The following PPP1R12C variants were observed in gnomAD, a reference collection of about 807,000 sequenced individuals.
PPP1R12C encodes the protein protein phosphatase 1 regulatory subunit 12C.
Under a neutral mutation model 95.6 loss-of-function variants are expected in PPP1R12C, and 48 were observed. The ratio of observed to expected loss-of-function variants is 0.50; its 90% CI spans 0.40 to 0.64. The LOEUF (loss-of-function observed/expected upper bound fraction) is 0.64, where lower values mean the gene tolerates loss of function less well. Among genes scored for constraint, PPP1R12C ranks in the 30% least tolerant of loss-of-function variants. PPP1R12C has a pLI of 0.00. For synonymous variants in PPP1R12C, 480 were observed against 460.8 expected, an observed-to-expected ratio of 1.04 and a Z score of -0.53; for missense variants, 1,057 against 1,083.3, an observed-to-expected ratio of 0.98 and a Z score of 0.34.
intron 3 of PPP1R12C, among the ~76,000 whole-genome samples, chr19:55,108,635 G>C (rs1282416619): frequency 2.0e-5 from 3 of 152,272 alleles, no homozygotes; most frequent in African/African-American, 7.2e-5. Context: ...TTCTGTGACT[G>C]GCTTATTTTC....
chr19:55,092,537 C>G lies in PPP1R12C; in HGVS notation c.1960G>C (p.Glu654Gln). ...TGCCTGCGGGCCGAGGGGCCGCCCT[C>G]CAGGGTGCTGGGGCAGGGGAGGAGC... is the stretch of plus-strand genomic sequence containing the variant. ...ADRSQESSTL[E>Q]GGPSARRQRW... The change falls in exon 18 of 22, where the codon GAG becomes CAG. Residue 654 changes from glutamate (E) to glutamine (Q), a missense_variant. This residue lies in a region of PPP1R12C where 347 missense variants were observed against 307.9 expected (regional missense o/e 1.13). Transcript: ENST00000263433. 6.2e-7 allele frequency: 1 copy of G among 1,603,004 alleles called. No homozygotes were observed. The highest frequency in any genetic ancestry group is 8.5e-7 in the Non-Finnish European group (1 of 1,175,400).
intron 21 of PPP1R12C, 33 bp downstream of exon 21, chr19:55,091,617 C>CCGGCCCCG: frequency 6.3e-7 from 1 of 1,577,626 alleles, no homozygotes; most frequent in Non-Finnish European, 8.7e-7. Flanking sequence ...CACCCACCCT[C>CCGGCCCCG]GGCCCTCTGC....
intron 3 of PPP1R12C, chr19:55,111,858 A>C (rs1274685231): frequency 2.0e-5 from 3 of 152,190 alleles, no homozygotes; most frequent in African/African-American, 7.2e-5. Flanking sequence ...TGGAGTCACC[A>C]GTCACAGGCA....
At chr19:55,105,223 T>C (rs2085025170) in intron 3 of PPP1R12C, among the ~76,000 whole-genome samples, 1 of 152,134 alleles carries the variant, frequency 6.6e-6, no homozygotes, top group African/African-American at 2.4e-5. Flanking sequence ...CCTGGCTGTG[T>C]CATTTCTTTA....
intron 6 of PPP1R12C, 117 bp from the exon 7 acceptor site, chr19:55,096,452 G>A (rs528396596): frequency 8.9e-5 from 110 of 1,240,314 alleles, no homozygotes; most frequent in Non-Finnish European, 1.2e-4. Flanking sequence ...GGGCTCGTGG[G>A]CTTACTGGTT....
At chr19:55,103,303 G>A in intron 4 of PPP1R12C, 106 bp downstream of exon 4, 2 of 1,145,154 alleles carry the variant, frequency 1.7e-6, no homozygotes, top group Non-Finnish European at 2.3e-6. Flanking sequence ...GCTGTATTTA[G>A]AGGGAAATAC....
chr19:55,105,274 G>C (rs2085025779), intron 3 of PPP1R12C, among the ~76,000 whole-genome samples: 1 of 152,156 alleles, frequency 6.6e-6, no homozygotes, highest in South Asian at 2.1e-4. Flanking sequence ...AGCCGAATGG[G>C]TCTCAATTCA....
At chr19:55,111,879 G>C in intron 3 of PPP1R12C, 1 of 152,218 alleles carries the variant, frequency 6.6e-6, no homozygotes, top group East Asian at 1.9e-4. Context: ...GAGCTGGGAG[G>C]CAAGCCCAGG....
Position 55,093,215 on chromosome 19 carries a change from G to C in PPP1R12C, c.1702C>G (p.Leu568Val), listed in dbSNP as rs771795975. 18 of 1,613,404 alleles carry C rather than the reference G, an allele frequency of 1.1e-5. No individual in the cohort carries two copies. The South Asian group carries it at 2.0e-4, about 18-fold the overall frequency. The change falls in exon 14 of 22, where the codon CTG (leucine) becomes GTG (valine). Residue 568 changes from leucine (L) to valine (V), a missense_variant. Leu to Val is a conservative substitution (Grantham distance 32, BLOSUM62 1). This residue lies in a region of PPP1R12C where 347 missense variants were observed against 307.9 expected (regional missense o/e 1.13). Transcript: ENST00000263433. Reference protein sequence around the residue: ...RSTQGVTLTDLKEAEKAAGKA... With the variant: ...RSTQGVTLTDVKEAEKAAGKA... ...CCTGCAGCCTTCTCTGCCTCCTTCA[G>C]GTCTGTAAGAGTCACACCCTGGCAG...
chr19:55,103,517 T>C lies in PPP1R12C; in HGVS notation c.623A>G (p.Asp208Gly). 2 of 1,602,610 alleles carry C rather than the reference T, an allele frequency of 1.2e-6. No individual in the cohort carries two copies. The highest frequency in any genetic ancestry group is 1.7e-6 in the Non-Finnish European group (2 of 1,172,022). ...KRAEEELLLH[D>G]TRCWLNGGAM... is the part of the protein sequence containing the mutation. Reference sequence around the variant, plus strand: ...GCCCCCATTCAGCCAGCACCTCGTGTCATGAAGGAGCAATTCCTCTTCTGC... The same window carrying C: ...GCCCCCATTCAGCCAGCACCTCGTGCCATGAAGGAGCAATTCCTCTTCTGC... The change falls in exon 4 of 22, where the codon GAC becomes GGC. Residue 208 changes from aspartate to glycine, a missense_variant. This residue lies in a region of PPP1R12C where 282 missense variants were observed against 380.4 expected (regional missense o/e 0.74). Transcript: ENST00000263433.
intron 20 of PPP1R12C, 59 bp downstream of exon 20, chr19:55,091,800 A>C: frequency 2.5e-6 from 4 of 1,611,578 alleles, no homozygotes; most frequent in Non-Finnish European, 3.4e-6. Context: ...CCTTGGTCCA[A>C]ACTTAGGGAT....
rs2084914074 is a variant in PPP1R12C, at chr19:55,096,469, C to T, written c.952-134G>A. The T allele has an allele frequency of 2.9e-6, 3 of 1,044,068 alleles. No homozygotes were observed. The Admixed American group carries it at 5.8e-5, about 20-fold the overall frequency. The allele number at this position is 1,044,068 out of a possible 1,614,324, so 64.7% of individuals were successfully genotyped here. On this transcript the variant is annotated intron_variant, in intron 6 of 21. Coordinates refer to ENST00000263433, the MANE Select transcript of PPP1R12C (RefSeq NM_017607.4). ...GCTCGTGGGCTTACTGGTTTTCCTACAGATGGCCACACACCTCAGGGGCAG... is the reference window on the plus strand; with the variant it reads ...GCTCGTGGGCTTACTGGTTTTCCTATAGATGGCCACACACCTCAGGGGCAG...
intron 1 of PPP1R12C, chr19:55,114,339 C>T (rs903055856): frequency 3.3e-5 from 5 of 153,290 alleles, no homozygotes; most frequent in African/African-American, 1.2e-4. Flanking sequence ...GCCACTAAGG[C>T]AATTGGGGTG....
chr19:55,093,263 G>C, intron 13 of PPP1R12C, 30 bp from the exon 14 acceptor site: 3 of 1,599,930 alleles, frequency 1.9e-6, no homozygotes, highest in Non-Finnish European at 2.6e-6. Context: ...GTCAGGGGAC[G>C]CTGGGGTCAG....
At chr19:55,110,887 T>G (rs1603004048) in intron 3 of PPP1R12C, among the ~76,000 whole-genome samples, 2 of 139,092 alleles carry the variant, frequency 1.4e-5, no homozygotes, top group African/African-American at 2.7e-5. Flanking sequence ...AAAAAAAGGC[T>G]CAGGAATGGA....
intron 11 of PPP1R12C, chr19:55,095,081 T>A: frequency 1.4e-6 from 1 of 703,128 alleles, no homozygotes; most frequent in Non-Finnish European, 2.4e-6. Context: ...AGTGTGCACC[T>A]CGGGGTGGGG....
Position 55,117,288 on chromosome 19 carries a change from C to G in PPP1R12C, c.256G>C (p.Ala86Pro), listed in dbSNP as rs2085165124. The G allele has an allele frequency of 3.3e-6, 4 of 1,217,886 alleles. No individual in the cohort carries two copies. Among genetic ancestry groups the G allele is most frequent in the Non-Finnish European group, 4.1e-6 (4 of 980,358 alleles). The allele number at this position is 1,217,886 out of a possible 1,614,324, so 75.4% of individuals were successfully genotyped here. A position where few individuals can be genotyped will look rare whatever the true frequency, so the allele number is the denominator to read the frequency against. ...PGPGAELDPA[A>P]PPPARAVLDS... ...AGCACGGCGCGGGCGGGCGGCGGCG[C>G]GGCGGGGTCGAGCTCGGCGCCGGGG... The change falls in exon 1 of 22, where the codon GCG (alanine) becomes CCG (proline). Residue 86 changes from alanine to proline, a missense_variant. Transcript: ENST00000263433.
chr19:55,103,331 C>T lies in PPP1R12C; in HGVS notation c.731+78G>A, dbSNP rs1048407761. Reference sequence around the variant, plus strand: ...GGAAATACATAGCCTTCGGTACATACATTTAAAAAGAAAGGGAAAGGACAA... The same window carrying T: ...GGAAATACATAGCCTTCGGTACATATATTTAAAAAGAAAGGGAAAGGACAA... On this transcript the variant is annotated intron_variant, in intron 4 of 21. Transcript: ENST00000263433. The T allele has an allele frequency of 3.0e-6, 4 of 1,312,876 alleles. 1 individual carries two copies. Among genetic ancestry groups the T allele is most frequent in the African/African-American group, 1.5e-5 (1 of 66,596 alleles). 81.3% of individuals were successfully genotyped at this position (1,312,876 alleles called of 1,614,324 possible). A position where few individuals can be genotyped will look rare whatever the true frequency, so the allele number is the denominator to read the frequency against.
chr19:55,103,947 C>T (rs2085005633), intron 3 of PPP1R12C, among the ~76,000 whole-genome samples: 1 of 145,542 alleles, frequency 6.9e-6, no homozygotes, highest in South Asian at 2.2e-4. Context: ...CTCAGGACTT[C>T]AAGACCAGCC....
Sources: allele counts gnomAD v4.1 joint callset (sites outside exome capture counted in the v4.1 genomes callset), GRCh38; gene constraint gnomAD v4.1.1; regional missense constraint gnomAD v4.1.1; transcripts MANE v1.5; gene names NCBI Gene and HGNC (gene_info 2026-07-23, HGNC 2026-07-21).